The following RORA variants were observed in gnomAD, a reference collection of about 807,000 sequenced individuals.
The protein encoded by RORA is RAR related orphan receptor A.
In RORA, 7 loss-of-function variants were observed where a neutral mutation model predicts 69.5. The observed-to-expected ratio is 0.10, with a 90% CI of 0.06 to 0.19. The LOEUF (loss-of-function observed/expected upper bound fraction) is 0.19. Among genes scored for constraint, RORA ranks in the 10% least tolerant of loss-of-function variants. The probability of loss-of-function intolerance (pLI) is 1.00; values close to 1 mark genes in which losing one functional copy is unlikely to be tolerated. For missense variants in RORA, 457 were observed against 663.0 expected, an observed-to-expected ratio of 0.69 and a Z score of 3.41; for synonymous variants, 261 against 240.8, an observed-to-expected ratio of 1.08 and a Z score of -0.78.
chr15:60,878,301 G>A (rs1308397361), intron 1 of RORA, among the ~76,000 whole-genome samples: 2 of 146,492 alleles, frequency 1.4e-5, no homozygotes, highest in Non-Finnish European at 3.0e-5. Flanking sequence ...CCGAGATCGC[G>A]GCATTGCACT....
chr15:60,565,650 A>G lies in RORA; in HGVS notation c.197-33799T>C, dbSNP rs117750275. Among the ~76,000 whole-genome samples, 5 of 152,350 alleles carry G rather than the reference A, an allele frequency of 3.3e-5. No homozygotes were observed. In the East Asian group the frequency reaches 9.6e-4, roughly 29 times the overall value. On this transcript the variant is annotated intron_variant, in intron 2 of 10. Transcript: ENST00000335670. ...CAGCAGCTTCCGAAAGTATAACCTA[A>G]TGGGGATAACTTAATTATTAGCCAT...
At chr15:60,908,438 A>G (rs116619815) in intron 1 of RORA, among the ~76,000 whole-genome samples, 220 of 152,338 alleles carry the variant, frequency 1.4e-3, no homozygotes, top group African/African-American at 4.9e-3. Flanking sequence ...TTTTAGAAAT[A>G]GAAGGCACCT....
chr15:60,960,661 A>C (rs1001255098), intron 1 of RORA, among the ~76,000 whole-genome samples: 1 of 147,302 alleles, frequency 6.8e-6, no homozygotes, highest in East Asian at 2.0e-4. Context: ...TTTTTTTTCT[A>C]AAAACAGTTT....
chr15:60,890,712 T>C (rs955907652), intron 1 of RORA, among the ~76,000 whole-genome samples: 1 of 152,246 alleles, frequency 6.6e-6, no homozygotes, highest in Admixed American at 6.5e-5. Context: ...TAATTTAGCA[T>C]ATTTCTTTGT....
At chr15:60,840,443 G>A (rs530096209) in intron 1 of RORA, among the ~76,000 whole-genome samples, 2 of 152,342 alleles carry the variant, frequency 1.3e-5, no homozygotes, top group South Asian at 2.1e-4. Context: ...CAGGCCTTTT[G>A]CCCTTAACCA....
At chr15:61,101,961 G>A (rs1027303437) in intron 1 of RORA, among the ~76,000 whole-genome samples, 2 of 152,038 alleles carry the variant, frequency 1.3e-5, no homozygotes, top group Non-Finnish European at 1.5e-5. Flanking sequence ...AGCTAACCTG[G>A]AATACCTAGC....
Position 60,540,574 on chromosome 15 carries a change from C to CCCCCG in RORA, c.197-8724_197-8723insCGGGG, listed in dbSNP as rs1555428642. On this transcript the variant is annotated intron_variant, in intron 2 of 10. Coordinates refer to ENST00000335670, the MANE Select transcript of RORA (RefSeq NM_134261.3). ...TGCACAATTTCCATGACCCCCCCCC[C>CCCCCG]CCAAAACTGTGCGGTCACAAAACCC... Among the ~76,000 whole-genome samples, 442 of 102,590 alleles carry CCCCCG rather than the reference C, an allele frequency of 4.3e-3. 50 individuals are homozygous for CCCCCG. Among genetic ancestry groups the CCCCCG allele is most frequent in the African/African-American group, 0.017 (370 of 22,344 alleles). The allele number at this position is 102,590 out of a possible 152,430, so 67.3% of individuals were successfully genotyped here. A position where few individuals can be genotyped will look rare whatever the true frequency, so the allele number is the denominator to read the frequency against.
At chr15:60,863,394 T>C (rs2073453161) in intron 1 of RORA, among the ~76,000 whole-genome samples, 1 of 152,238 alleles carries the variant, frequency 6.6e-6, no homozygotes, top group Non-Finnish European at 1.5e-5. Context: ...TAATAGGTAT[T>C]TTACTTAATT....
intron 1 of RORA, among the ~76,000 whole-genome samples, chr15:61,020,241 C>G (rs541567588): frequency 1.3e-5 from 2 of 152,296 alleles, no homozygotes; most frequent in South Asian, 2.1e-4. Flanking sequence ...AGTATCACCT[C>G]CACTTAGCTT....
intron 2 of RORA, among the ~76,000 whole-genome samples, chr15:60,671,583 G>C (rs2070472969): frequency 6.6e-6 from 1 of 151,402 alleles, no homozygotes; most frequent in Non-Finnish European, 1.5e-5. Flanking sequence ...TCAGAGACCA[G>C]CCTGGGCAAC....
intron 2 of RORA, among the ~76,000 whole-genome samples, chr15:60,570,547 A>T (rs2067850129): frequency 6.6e-6 from 1 of 152,066 alleles, no homozygotes; most frequent in African/African-American, 2.4e-5. Flanking sequence ...ACAGTGTTTC[A>T]CCATGTTGCC....
chr15:60,566,923 G>C (rs1221974783), intron 2 of RORA, among the ~76,000 whole-genome samples: 1 of 152,154 alleles, frequency 6.6e-6, no homozygotes, highest in Non-Finnish European at 1.5e-5. Context: ...AAAGGGCCTT[G>C]AATACTCTGT....
intron 1 of RORA, among the ~76,000 whole-genome samples, chr15:60,720,939 C>T (rs903435177): frequency 7.2e-5 from 11 of 152,128 alleles, no homozygotes; most frequent in African/African-American, 2.7e-4. Flanking sequence ...GCTCTCGGTT[C>T]AGCCTGGAGA....
intron 2 of RORA, among the ~76,000 whole-genome samples, chr15:60,599,372 G>A (rs556768191): frequency 2.0e-5 from 3 of 152,264 alleles, no homozygotes; most frequent in African/African-American, 4.8e-5. Flanking sequence ...CCAACATGGC[G>A]AAACCCCATC....
chr15:61,169,539 G>A (rs1231447179), intron 1 of RORA, among the ~76,000 whole-genome samples: 1 of 151,192 alleles, frequency 6.6e-6, no homozygotes, highest in Middle Eastern at 3.2e-3. Context: ...TAAACACCAC[G>A]GCTTCAGCAG....
rs7183229 is a variant in RORA, at chr15:60,938,678, T to C, written c.167-259992A>G. 2.4e-4 allele frequency among the ~76,000 whole-genome samples: 37 copies of C among 152,188 alleles called. No individual in the cohort carries two copies. In the East Asian group the frequency reaches 6.2e-3, roughly 25 times the overall value. On this transcript the variant is annotated intron_variant, in intron 1 of 10. Transcript: ENST00000335670. ...TTTAAATAAGAGGGAGGCAAGAAGG[T>C]TTGCTTGAGGCCAGGAGTCTGACAC...
rs1479060531 is a variant in RORA, at chr15:61,125,276, C to T, written c.166+103777G>A. On this transcript the variant is annotated intron_variant, in intron 1 of 10. Coordinates refer to ENST00000335670, the MANE Select transcript of RORA (RefSeq NM_134261.3). ...AAAAAACGTGACACTGAATGCCCTACACATGTTTATGGAATCTTATGGTGT... is the reference window on the plus strand; with the variant it reads ...AAAAAACGTGACACTGAATGCCCTATACATGTTTATGGAATCTTATGGTGT... Among the ~76,000 whole-genome samples the T allele has an allele frequency of 2.0e-5, 3 of 152,334 alleles. No individual in the cohort carries two copies. The South Asian group carries it at 6.2e-4, about 32-fold the overall frequency.
At chr15:61,129,722 G>C (rs1244780632) in intron 1 of RORA, among the ~76,000 whole-genome samples, 1 of 152,160 alleles carries the variant, frequency 6.6e-6, no homozygotes. Flanking sequence ...CCCTACCAGG[G>C]CTTCACAAGG....
At chr15:60,877,898 C>A (rs780065117) in intron 1 of RORA, among the ~76,000 whole-genome samples, 5 of 152,052 alleles carry the variant, frequency 3.3e-5, no homozygotes, top group Non-Finnish European at 7.4e-5. Flanking sequence ...TCTAATGAGA[C>A]CCGATTTGGA....
Sources: gnomAD v4.1 joint callset for allele counts (sites outside exome capture counted in the v4.1 genomes callset) on GRCh38, gnomAD v4.1.1 for gene constraint, MANE v1.5 for transcripts, NCBI Gene and HGNC (gene_info 2026-07-23, HGNC 2026-07-21) for gene names.